Variants in BAZ2B observed in about 807,000 individuals in gnomAD.
BAZ2B encodes bromodomain adjacent to zinc finger domain protein 2B.
BAZ2B carries 91 observed loss-of-function variants against 246.0 expected under a neutral mutation model. The ratio of observed to expected loss-of-function variants is 0.37; its 90% confidence interval spans 0.31 to 0.44. The LOEUF is 0.44. Among genes scored for constraint, BAZ2B ranks in the 20% least tolerant of loss-of-function variants. The probability of loss-of-function intolerance (pLI) is 1.00; values close to 1 mark genes in which losing one functional copy is unlikely to be tolerated. For missense variants in BAZ2B, 2,332 were observed against 2,533.7 expected, an observed-to-expected ratio of 0.92 and a Z score of 1.71; for synonymous variants, 855 against 860.0, an observed-to-expected ratio of 0.99 and a Z score of 0.10.
chr2:159,325,069 T>TGA (rs2063368025), intron 35 of BAZ2B, 115 bp from the exon 36 acceptor site: 1 of 1,606 alleles, frequency 6.2e-4, no homozygotes, highest in Non-Finnish European at 1.3e-3. Context: ...ATTATATATA[T>TGA]ATATATATTA....
chr2:159,407,006 G>A (rs1288987369), intron 14 of BAZ2B, among the ~76,000 whole-genome samples: 3 of 151,762 alleles, frequency 2.0e-5, no homozygotes, highest in East Asian at 3.9e-4. Flanking sequence ...CACCTGCCTC[G>A]GCCTCCCAAA....
intron 1 of BAZ2B, among the ~76,000 whole-genome samples, chr2:159,589,481 A>C (rs1031666171): frequency 3.9e-5 from 6 of 152,188 alleles, no homozygotes; most frequent in Non-Finnish European, 8.8e-5. Context: ...GTGAGGAAAA[A>C]ATGATGATCT....
chr2:159,469,049 C>CAAA (rs560336551), intron 3 of BAZ2B, among the ~76,000 whole-genome samples: 2 of 62,612 alleles, frequency 3.2e-5, no homozygotes, highest in Admixed American at 1.8e-4. Context: ...GACTCTGTCT[C>CAAA]AAAAAAAAAA....
chr2:159,667,550 T>C, the BAZ2B span, among the ~76,000 whole-genome samples: 1 of 151,900 alleles, frequency 6.6e-6, no homozygotes, highest in South Asian at 2.1e-4. Context: ...GAGGTAAGAT[T>C]GTGCCACTGC....
intron 2 of BAZ2B, among the ~76,000 whole-genome samples, chr2:159,535,113 T>TA (rs1361620465): frequency 7.0e-6 from 1 of 143,268 alleles, no homozygotes; most frequent in Non-Finnish European, 1.5e-5. Context: ...CAACTAAAGA[T>TA]ATAATTAAAT....
intron 2 of BAZ2B, among the ~76,000 whole-genome samples, chr2:159,504,841 C>A (rs1157182410): frequency 6.6e-6 from 1 of 152,072 alleles, no homozygotes; most frequent in Non-Finnish European, 1.5e-5. Context: ...AAACACAAGT[C>A]CAGAACATTC....
intron 25 of BAZ2B, among the ~76,000 whole-genome samples, chr2:159,376,395 C>A (rs983575297): frequency 6.6e-6 from 1 of 151,930 alleles, no homozygotes; most frequent in Admixed American, 6.6e-5. Flanking sequence ...TGGCTACTAC[C>A]CAATGAAAAA....
chr2:159,532,437 G>A (rs573437654), intron 2 of BAZ2B, among the ~76,000 whole-genome samples: 1 of 152,184 alleles, frequency 6.6e-6, no homozygotes, highest in East Asian at 1.9e-4. Flanking sequence ...CCTATTATGT[G>A]CAAAATATTA....
intron 2 of BAZ2B, among the ~76,000 whole-genome samples, chr2:159,482,784 TATC>T (rs1204244854): frequency 6.6e-6 from 1 of 152,180 alleles, no homozygotes; most frequent in Non-Finnish European, 1.5e-5. Context: ...CAAAATATGT[TATC>T]ATGAGTTACT....
chr2:159,556,790 T>C lies in BAZ2B; in HGVS notation c.-45-925A>G, dbSNP rs965771368. ...AAATTTCTTTATTAACAAGGTCTAA[T>C]TTGAGATGAGCCCTTAAATGTTTAG... is the stretch of plus-strand genomic sequence containing the variant. On this transcript the variant is annotated intron_variant, in intron 1 of 36. Coordinates refer to ENST00000392783, the MANE Select transcript of BAZ2B (RefSeq NM_013450.4). Among the ~76,000 whole-genome samples the C allele has an allele frequency of 3.3e-5, 5 of 152,314 alleles. No homozygotes were observed. The South Asian group carries it at 1.0e-3, about 32-fold the overall frequency.
intron 1 of BAZ2B, among the ~76,000 whole-genome samples, chr2:159,590,201 A>C (rs1473933623): frequency 8.9e-5 from 3 of 33,612 alleles, no homozygotes; most frequent in African/African-American, 4.2e-4. Context: ...AAAAAAAAAA[A>C]AAAAAAAAAA....
intron 2 of BAZ2B, among the ~76,000 whole-genome samples, chr2:159,487,828 G>T (rs2080009149): frequency 6.6e-6 from 1 of 151,444 alleles, no homozygotes; most frequent in African/African-American, 2.4e-5. Flanking sequence ...CTTCCGAGGA[G>T]TCTGGGATTA....
At position 159,420,690 on chromosome 2, in the gene BAZ2B, T is replaced by C. The variant is rs535597153; in HGVS notation, c.2466+7251A>G. ...CGCCTTCCTCTAGTCCTAAGAAATATGTAAATACCTCTTACCTTAGTGTTA... is the reference window on the plus strand; with the variant it reads ...CGCCTTCCTCTAGTCCTAAGAAATACGTAAATACCTCTTACCTTAGTGTTA... On this transcript the variant is annotated intron_variant, in intron 13 of 36. Coordinates refer to ENST00000392783, the MANE Select transcript of BAZ2B (RefSeq NM_013450.4). Among the ~76,000 whole-genome samples, 650 of 152,344 alleles carry C rather than the reference T, an allele frequency of 4.3e-3. 1 individual carries two copies. Among genetic ancestry groups the C allele is most frequent in the Non-Finnish European group, 7.3e-3 (496 of 68,024 alleles).
At chr2:159,661,778 C>CT in the BAZ2B span, among the ~76,000 whole-genome samples, 121 of 148,362 alleles carry the variant, frequency 8.2e-4, no homozygotes, top group East Asian at 0.011. Flanking sequence ...AAACCATCAT[C>CT]TTTTTTTTTT....
intron 2 of BAZ2B, among the ~76,000 whole-genome samples, chr2:159,547,893 A>G (rs561132655): frequency 1.8e-4 from 28 of 152,310 alleles, no homozygotes; most frequent in African/African-American, 6.5e-4. Flanking sequence ...GACTTGTTCA[A>G]AAGAAGCTAA....
intron 2 of BAZ2B, among the ~76,000 whole-genome samples, chr2:159,541,770 T>C (rs1239269903): frequency 6.6e-6 from 1 of 152,186 alleles, no homozygotes; most frequent in Non-Finnish European, 1.5e-5. Context: ...AGTTCTTTTT[T>C]TCTTCATATG....
At chr2:159,631,187 C>A in the BAZ2B span, among the ~76,000 whole-genome samples, 9,561 of 151,214 alleles carry the variant, frequency 0.063, 392 homozygotes, top group Middle Eastern at 0.14. Flanking sequence ...CAAAGCAAGA[C>A]CCTGTCAAAA....
intron 23 of BAZ2B, 100 bp from the exon 24 acceptor site, chr2:159,383,780 TG>T: frequency 2.0e-6 from 2 of 1,013,338 alleles, no homozygotes; most frequent in Non-Finnish European, 2.9e-6. Context: ...AATGCATTTT[TG>T]AATAAGTAAA....
chr2:159,469,414 G>A (rs4505474), intron 3 of BAZ2B, among the ~76,000 whole-genome samples: 130,477 of 152,084 alleles, frequency 0.86, 56,489 homozygotes, highest in East Asian at 0.93. Context: ...ATTGTTCTAT[G>A]CCTACATTTT....
Sources: allele counts gnomAD v4.1 joint callset (sites outside exome capture counted in the v4.1 genomes callset), GRCh38; gene constraint gnomAD v4.1.1; transcripts MANE v1.5; gene names NCBI Gene and HGNC (gene_info 2026-07-23, HGNC 2026-07-21).